TRAPPC9: variants seen among roughly 807,000 people sequenced by gnomAD.
The protein encoded by TRAPPC9 is IKK2 binding protein.
In TRAPPC9, 83 loss-of-function variants were observed where a neutral mutation model predicts 124.0. That is an observed-to-expected ratio of 0.67 (90% confidence interval 0.56 to 0.80). The LOEUF (loss-of-function observed/expected upper bound fraction) is 0.80, where lower values mean the gene tolerates loss of function less well. Ranked by LOEUF, TRAPPC9 falls within the 30% of genes least tolerant of loss-of-function variation. TRAPPC9 has a pLI of 0.00. For synonymous variants in TRAPPC9, 638 were observed against 617.5 expected (o/e 1.03, Z -0.49); for missense variants, 1,302 against 1,508.3 (o/e 0.86, Z 2.27).
chr8:139,968,019 T>C (rs1333676509), intron 19 of TRAPPC9, among the ~76,000 whole-genome samples: 1 of 149,444 alleles, frequency 6.7e-6, no homozygotes, highest in African/African-American at 2.6e-5. Context: ...CGTGCACCTG[T>C]AATCCCAGCT....
At chr8:139,841,191 G>C (rs181059679) in intron 21 of TRAPPC9, among the ~76,000 whole-genome samples, 2 of 152,054 alleles carry the variant, frequency 1.3e-5, no homozygotes, top group Non-Finnish European at 2.9e-5. Context: ...TTCTCACATC[G>C]CATCACTCCG....
At chr8:140,327,911 C>G (rs933561043) in intron 9 of TRAPPC9, among the ~76,000 whole-genome samples, 1 of 152,150 alleles carries the variant, frequency 6.6e-6, no homozygotes, top group African/African-American at 2.4e-5. Flanking sequence ...TAAAAGGGTA[C>G]ATTTTGTGTT....
At chr8:140,404,051 A>G (rs2069383914) in intron 6 of TRAPPC9, among the ~76,000 whole-genome samples, 1 of 152,218 alleles carries the variant, frequency 6.6e-6, no homozygotes, top group Non-Finnish European at 1.5e-5. Context: ...GCATAGGGGC[A>G]TTTATCAGAG....
At chr8:139,911,532 C>G (rs1471936196) in intron 19 of TRAPPC9, among the ~76,000 whole-genome samples, 1 of 152,018 alleles carries the variant, frequency 6.6e-6, no homozygotes, top group African/African-American at 2.4e-5. Flanking sequence ...TGGTGAAACC[C>G]TATCTCTACC....
intron 13 of TRAPPC9, among the ~76,000 whole-genome samples, chr8:140,285,671 G>A (rs1588094325): frequency 6.6e-6 from 1 of 151,540 alleles, no homozygotes; most frequent in Non-Finnish European, 1.5e-5. Context: ...CCACCACGTT[G>A]TTCTTTCTGC....
intron 17 of TRAPPC9, among the ~76,000 whole-genome samples, chr8:140,151,544 C>T (rs1012016879): frequency 2.6e-5 from 4 of 152,108 alleles, no homozygotes; most frequent in Admixed American, 2.0e-4. Flanking sequence ...TGTACGTGAG[C>T]CTGCCTCCAA....
chr8:140,437,209 C>A (rs1315398472), intron 3 of TRAPPC9, among the ~76,000 whole-genome samples: 1 of 151,958 alleles, frequency 6.6e-6, no homozygotes, highest in African/African-American at 2.4e-5. Context: ...GGTCTCCACC[C>A]AGTTAATGTT....
intron 17 of TRAPPC9, chr8:140,095,537 C>T (rs771103984): frequency 2.0e-5 from 3 of 152,186 alleles, no homozygotes; most frequent in Non-Finnish European, 4.4e-5. Flanking sequence ...CCCCAGAAGC[C>T]CAGCGTGACC....
Position 140,104,960 on chromosome 8 carries a change from G to A in TRAPPC9, c.2557-80881C>T, listed in dbSNP as rs759464499. Among the ~76,000 whole-genome samples, 4 of 152,192 alleles carry A rather than the reference G, an allele frequency of 2.6e-5. No homozygotes were observed. The highest frequency in any genetic ancestry group is 4.4e-5 in the Non-Finnish European group (3 of 68,040). ...CTGTCATCCATGCTGCATCGTGGCAGGGTCCCACTCAGCAGCAGCCCTGAC... is the reference window on the plus strand; with the variant it reads ...CTGTCATCCATGCTGCATCGTGGCAAGGTCCCACTCAGCAGCAGCCCTGAC... On this transcript the variant is annotated intron_variant, in intron 17 of 22. Transcript: ENST00000438773. This position sits in a 1 kb window ranked among gnomAD's most constrained non-coding sequence, Gnocchi z 4.0.
At chr8:140,125,711 C>T (rs1013015872) in intron 17 of TRAPPC9, among the ~76,000 whole-genome samples, 1 of 150,404 alleles carries the variant, frequency 6.6e-6, no homozygotes, top group Non-Finnish European at 1.5e-5. Context: ...TCTCCTGCCT[C>T]AGCCTCCTGA....
At chr8:140,425,686 A>AATACC (rs1456213673) in intron 5 of TRAPPC9, among the ~76,000 whole-genome samples, 1 of 151,962 alleles carries the variant, frequency 6.6e-6, no homozygotes, top group Non-Finnish European at 1.5e-5. Flanking sequence ...ATACTGGTCA[A>AATACC]ATACCAGTAC....
chr8:140,238,098 G>A (rs115665283), intron 16 of TRAPPC9, among the ~76,000 whole-genome samples: 66 of 152,216 alleles, frequency 4.3e-4, no homozygotes, highest in African/African-American at 1.4e-3. Flanking sequence ...CTTGTCTCAC[G>A]GTGAGTCACC....
At chr8:139,758,156 G>A (rs1819980138) in intron 21 of TRAPPC9, among the ~76,000 whole-genome samples, 1 of 152,216 alleles carries the variant, frequency 6.6e-6, no homozygotes, top group African/African-American at 2.4e-5. Flanking sequence ...GCTCGGGCCT[G>A]GGAAGCCAGT....
At chr8:140,304,199 A>T (rs1422635623) in intron 10 of TRAPPC9, among the ~76,000 whole-genome samples, 1 of 150,818 alleles carries the variant, frequency 6.6e-6, no homozygotes, top group African/African-American at 2.4e-5. Flanking sequence ...GGTTCCAGTG[A>T]TTCTCTTGCC....
At chr8:139,747,397 G>A (rs1028155707) in intron 21 of TRAPPC9, among the ~76,000 whole-genome samples, 2 of 151,846 alleles carry the variant, frequency 1.3e-5, no homozygotes, top group Non-Finnish European at 1.5e-5. Context: ...GGTCAGAGCA[G>A]ATGTGAGGGT....
At chr8:140,019,054 C>T (rs1363012291) in intron 18 of TRAPPC9, among the ~76,000 whole-genome samples, 51 of 152,198 alleles carry the variant, frequency 3.4e-4, no homozygotes, top group Admixed American at 3.3e-3. Flanking sequence ...TCTTTATCAA[C>T]TGATATAATC....
intron 21 of TRAPPC9, among the ~76,000 whole-genome samples, chr8:139,763,555 G>A (rs569740103): frequency 3.0e-4 from 45 of 151,590 alleles, no homozygotes; most frequent in African/African-American, 1.0e-3. Context: ...ATGGCTTCCA[G>A]TCTCTTCCTT....
chr8:140,115,114 CCA>C (rs2060854245), intron 17 of TRAPPC9, among the ~76,000 whole-genome samples: 2 of 152,100 alleles, frequency 1.3e-5, no homozygotes, highest in South Asian at 4.2e-4. Flanking sequence ...TCCAGGAACC[CCA>C]CAGACACCGA....
At chr8:140,325,515 T>C (rs2066713060) in intron 9 of TRAPPC9, among the ~76,000 whole-genome samples, 1 of 152,174 alleles carries the variant, frequency 6.6e-6, no homozygotes, top group Non-Finnish European at 1.5e-5. Context: ...TGCCTATACA[T>C]TTGACAAATG....
Sources: gnomAD v4.1 joint callset for allele counts (sites outside exome capture counted in the v4.1 genomes callset) on GRCh38, gnomAD v4.1.1 for gene constraint, Gnocchi (gnomAD v3.1) non-coding constraint, MANE v1.5 for transcripts, NCBI Gene and HGNC (gene_info 2026-07-23, HGNC 2026-07-21) for gene names.